GRK5: variants seen among roughly 807,000 people sequenced by gnomAD.
GRK5 encodes the protein G protein-coupled receptor kinase 5, also known as g protein-coupled receptor kinase GRK5.
A neutral mutation model predicts 78.4 loss-of-function variants in GRK5; 40 were observed. That is an observed-to-expected ratio of 0.51 (90% CI 0.40 to 0.66). GRK5 has a LOEUF of 0.66. Ranked by LOEUF, GRK5 falls within the 30% of genes least tolerant of loss-of-function variation. GRK5 has a pLI of 0.00. For synonymous variants in GRK5, 289 were observed against 296.8 expected (o/e 0.97, Z 0.27); for missense variants, 598 against 759.9 (o/e 0.79, Z 2.50).
chr10:119,220,838 A>T (rs1384161820), intron 1 of GRK5, among the ~76,000 whole-genome samples: 18 of 138,232 alleles, frequency 1.3e-4, no homozygotes, highest in African/African-American at 4.6e-4. Context: ...AAAAAAAAAA[A>T]TTTGCAAAGG....
intron 1 of GRK5, among the ~76,000 whole-genome samples, chr10:119,231,041 A>C (rs554668665): frequency 1.3e-5 from 2 of 152,090 alleles, no homozygotes; most frequent in Non-Finnish European, 2.9e-5. Context: ...CTAAATCTAT[A>C]GCACTTGGCA....
chr10:119,239,079 T>G (rs1848978118), intron 1 of GRK5, among the ~76,000 whole-genome samples: 1 of 152,130 alleles, frequency 6.6e-6, no homozygotes, highest in Non-Finnish European at 1.5e-5. Flanking sequence ...GTTTTGTTAC[T>G]GAGAAGCTTA....
chr10:119,312,933 G>A (rs878864632), intron 1 of GRK5, among the ~76,000 whole-genome samples: 1 of 133,404 alleles, frequency 7.5e-6, no homozygotes, highest in Non-Finnish European at 1.7e-5. Flanking sequence ...GGTGATGGTG[G>A]TAGTGATGGT....
rs778410714 is a variant in GRK5 at position 119,452,354 on chromosome 10, C to T, written c.1405-317C>T. On this transcript the variant is annotated intron_variant, in intron 13 of 15. Coordinates refer to ENST00000392870, the MANE Select transcript of GRK5 (RefSeq NM_005308.3). This position sits in a 1 kb window ranked among gnomAD's most constrained non-coding sequence, Gnocchi z 4.4. ...CCCTGGGCTGGGCACCCAGGTGCCC[C>T]GAGCTCCTGTGTCACCCCAGCCAGG... is the stretch of plus-strand genomic sequence containing the variant. The T allele has an allele frequency of 2.1e-4, 69 of 333,590 alleles. No homozygotes were observed. Among genetic ancestry groups the T allele is most frequent in the Non-Finnish European group, 2.9e-4 (52 of 177,174 alleles). The allele number at this position is 333,590 out of a possible 1,614,324, so 20.7% of individuals were successfully genotyped here. A position where few individuals can be genotyped will look rare whatever the true frequency, so the allele number is the denominator to read the frequency against.
chr10:119,436,572 T>C (rs1460174216), intron 8 of GRK5, 79 bp from the exon 9 acceptor site: 1 of 1,409,526 alleles, frequency 7.1e-7, no homozygotes, highest in Non-Finnish European at 9.9e-7. Flanking sequence ...ACACCCCAGC[T>C]CCCAGGATCC....
In GRK5 at chr10:119,431,584, C is replaced by G; in HGVS notation, c.738+57C>G. ...CGCCCTTCTGTGGACTGGGGCTTCC[C>G]TCCCTCCGGAAGGGCGTGGTCCTCT... On this transcript the variant is annotated intron_variant, in intron 8 of 15. Coordinates refer to ENST00000392870, the MANE Select transcript of GRK5 (RefSeq NM_005308.3). The surrounding 1 kb of genome is among the most constrained non-coding windows in gnomAD (Gnocchi z 4.8). 6.3e-7 allele frequency: 1 copy of G among 1,580,920 alleles called. No homozygotes were observed. Among genetic ancestry groups the G allele is most frequent in the South Asian group, 1.2e-5 (1 of 86,004 alleles).
At chr10:119,332,599 G>A (rs1057038207) in intron 2 of GRK5, among the ~76,000 whole-genome samples, 5 of 152,198 alleles carry the variant, frequency 3.3e-5, no homozygotes, top group Admixed American at 6.5e-5. Context: ...AAAGAAAGAT[G>A]ACATTTTTCT....
In GRK5 at chr10:119,225,251, A is replaced by G. The variant is rs538282307; in HGVS notation, c.52+17282A>G. On this transcript the variant is annotated intron_variant, in intron 1 of 15. Transcript: ENST00000392870. ...AAAATAAACAGTTTGATTATCCTAC[A>G]CTGTATTATCTTAATAAACTGTCTT... Among the ~76,000 whole-genome samples the G allele has an allele frequency of 2.6e-5, 4 of 152,356 alleles. No homozygotes were observed. The East Asian group carries it at 5.8e-4, about 22-fold the overall frequency.
intron 1 of GRK5, among the ~76,000 whole-genome samples, chr10:119,300,135 T>C (rs1850150383): frequency 3.3e-5 from 5 of 152,158 alleles, no homozygotes; most frequent in Non-Finnish European, 7.3e-5. Context: ...TAAAGAAAAA[T>C]GCGCTGCTGA....
chr10:119,425,693 C>A (rs1213111479), intron 6 of GRK5, among the ~76,000 whole-genome samples: 2 of 152,248 alleles, frequency 1.3e-5, no homozygotes, highest in Non-Finnish European at 2.9e-5. Flanking sequence ...CTTTTCCTAT[C>A]CCGTGAGTGA....
At chr10:119,396,650 T>C in intron 3 of GRK5, 45 bp from the exon 4 acceptor site, 1 of 1,494,612 alleles carries the variant, frequency 6.7e-7, no homozygotes, top group Non-Finnish European at 9.3e-7. Context: ...TATAAGAAGC[T>C]CATGAGCAAA....
intron 1 of GRK5, among the ~76,000 whole-genome samples, chr10:119,322,986 A>C (rs915589861): frequency 2.0e-5 from 3 of 152,256 alleles, no homozygotes; most frequent in Non-Finnish European, 2.9e-5. Flanking sequence ...AAACAAATGA[A>C]GTTCTGACAC....
chr10:119,411,457 A>G (rs746279621), intron 4 of GRK5, among the ~76,000 whole-genome samples: 1 of 152,178 alleles, frequency 6.6e-6, no homozygotes, highest in Non-Finnish European at 1.5e-5. Flanking sequence ...TCCTAAAGGC[A>G]TCATGGCCTC....
intron 1 of GRK5, among the ~76,000 whole-genome samples, chr10:119,261,083 C>T (rs1447998438): frequency 9.8e-5 from 5 of 51,162 alleles, no homozygotes; most frequent in East Asian, 6.3e-4. Context: ...CGGGCGGAGA[C>T]GCTCCTCACT....
In GRK5 at chr10:119,253,847, GGTGTGT is replaced by G. The variant is rs58171371; in HGVS notation, c.52+45899_52+45904del. ...GTTCCTGGTGGTTCTTTGCCCCAGG[GGTGTGT>G]GTGTGTGTGTGTGTGTGTGTACACA... On this transcript the variant is annotated intron_variant, in intron 1 of 15. Coordinates refer to ENST00000392870, the MANE Select transcript of GRK5 (RefSeq NM_005308.3). This position sits in a 1 kb window ranked among gnomAD's most constrained non-coding sequence, Gnocchi z 5.7. 0.01 allele frequency among the ~76,000 whole-genome samples: 1,542 copies of G among 149,746 alleles called. 17 individuals are homozygous for G. The highest frequency in any genetic ancestry group is 0.035 in the African/African-American group (1,425 of 40,896).
intron 2 of GRK5, among the ~76,000 whole-genome samples, chr10:119,370,005 G>A (rs1380703273): frequency 1.3e-5 from 2 of 152,022 alleles, no homozygotes; most frequent in Admixed American, 6.6e-5. Flanking sequence ...GGTCACTGCC[G>A]GACTCTGGCA....
Position 119,217,201 on chromosome 10 carries a change from G to A in GRK5, c.52+9232G>A, listed in dbSNP as rs1294920793. Among the ~76,000 whole-genome samples the A allele has an allele frequency of 1.3e-5, 2 of 151,942 alleles. No homozygotes were observed. Among genetic ancestry groups the A allele is most frequent in the Admixed American group, 1.3e-4 (2 of 15,264 alleles). ...AAGAGTGTCTTTGTCAGATTCCCTG[G>A]GAAAAGGGGCAAATTGGGAATATAA... On this transcript the variant is annotated intron_variant, in intron 1 of 15. Transcript: ENST00000392870. The surrounding 1 kb of genome is among the most constrained non-coding windows in gnomAD (Gnocchi z 4.1).
intron 1 of GRK5, among the ~76,000 whole-genome samples, chr10:119,228,693 C>T (rs774058789): frequency 6.6e-6 from 1 of 152,098 alleles, no homozygotes; most frequent in Non-Finnish European, 1.5e-5. Context: ...ACATAGTGAG[C>T]AGGGGTTAGG....
In GRK5 at chr10:119,445,114, C is replaced by T. The variant is rs1189245391; in HGVS notation, c.1266+1362C>T. 1.3e-5 allele frequency among the ~76,000 whole-genome samples: 2 copies of T among 152,292 alleles called. No homozygotes were observed. The highest frequency in any genetic ancestry group is 2.4e-5 in the African/African-American group (1 of 41,560). ...ACCCCACAGCTGTTGGCCCGCCATGCAGCTGGGGCCTCAGAGAAAGCCACA... is the reference window on the plus strand; with the variant it reads ...ACCCCACAGCTGTTGGCCCGCCATGTAGCTGGGGCCTCAGAGAAAGCCACA... On this transcript the variant is annotated intron_variant, in intron 12 of 15. Coordinates refer to ENST00000392870, the MANE Select transcript of GRK5 (RefSeq NM_005308.3). The surrounding 1 kb of genome is among the most constrained non-coding windows in gnomAD (Gnocchi z 4.1).
Sources: gnomAD v4.1 joint callset for allele counts (sites outside exome capture counted in the v4.1 genomes callset) on GRCh38, gnomAD v4.1.1 for gene constraint, Gnocchi (gnomAD v3.1) non-coding constraint, MANE v1.5 for transcripts, NCBI Gene and HGNC (gene_info 2026-07-23, HGNC 2026-07-21) for gene names.